The following IRAK3 variants were observed in gnomAD, a reference collection of about 807,000 sequenced individuals.
IRAK3 encodes interleukin 1 receptor associated kinase 3.
A neutral mutation model predicts 56.6 loss-of-function variants in IRAK3; 57 were observed. That is an observed-to-expected ratio of 1.01 (90% CI 0.81 to 1.26). The LOEUF is 1.26. IRAK3 is among the 50% of genes most tolerant of loss of function. The pLI is 0.00. For missense variants in IRAK3, 703 were observed against 719.0 expected, an observed-to-expected ratio of 0.98 and a Z score of 0.25; for synonymous variants, 258 against 255.7, an observed-to-expected ratio of 1.01 and a Z score of -0.09.
chr12:66,226,669 C>T (rs2052789396), intron 6 of IRAK3, 54 bp from the exon 7 acceptor site: 2 of 1,008,824 alleles, frequency 2.0e-6, no homozygotes, highest in Non-Finnish European at 3.2e-6. Context: ...GTGTGTTGTT[C>T]ATTTCCTGTC....
intron 8 of IRAK3, among the ~76,000 whole-genome samples, chr12:66,231,113 A>C (rs1295177382): frequency 6.6e-6 from 1 of 152,180 alleles, no homozygotes; most frequent in African/African-American, 2.4e-5. Flanking sequence ...TGTGGTGGCC[A>C]ATCAGTCTTT....
At chr12:66,234,524 A>T (rs944109746) in intron 8 of IRAK3, 1 of 1,611,950 alleles carries the variant, frequency 6.2e-7, no homozygotes, top group African/African-American at 1.3e-5. Flanking sequence ...GTCGTAAGTA[A>T]GTGTCATTCC....
intron 1 of IRAK3, 22 bp downstream of exon 1, chr12:66,189,454 G>A (rs2052378220): frequency 1.7e-6 from 2 of 1,187,782 alleles, no homozygotes; most frequent in Non-Finnish European, 2.1e-6. Flanking sequence ...GGGACCGGCC[G>A]GGGGCGGCGG....
In IRAK3 at chr12:66,250,348, G is replaced by A. The variant is rs1005243082; in HGVS notation, c.*2177G>A. The stretch of plus-strand genomic sequence containing the variant: ...TAATCATATTCACATTAGATTCCAT[G>A]TTGAAGAACAACTAATCAAAGAAGA... On this transcript the variant is annotated 3_prime_UTR_variant, in exon 12 of 12. Coordinates refer to ENST00000261233, the MANE Select transcript of IRAK3 (RefSeq NM_007199.3). 1.3e-5 allele frequency: 2 copies of A among 152,138 alleles called. No individual in the cohort carries two copies. Among genetic ancestry groups the A allele is most frequent in the Non-Finnish European group, 2.9e-5 (2 of 68,014 alleles). 9.4% of individuals were successfully genotyped at this position (152,138 alleles called of 1,614,324 possible).
At chr12:66,218,319 A>T (rs1193483540) in intron 6 of IRAK3, among the ~76,000 whole-genome samples, 2 of 152,240 alleles carry the variant, frequency 1.3e-5, no homozygotes, top group Non-Finnish European at 2.9e-5. Context: ...ACTGTTCACA[A>T]TTTCTTAGAT....
At chr12:66,236,698 C>T (rs2052912149) in intron 8 of IRAK3, among the ~76,000 whole-genome samples, 2 of 152,262 alleles carry the variant, frequency 1.3e-5, no homozygotes, top group South Asian at 4.1e-4. Flanking sequence ...CTTAAGGTGA[C>T]CTCTTGTTGC....
intron 8 of IRAK3, among the ~76,000 whole-genome samples, chr12:66,231,151 A>G (rs1162955662): frequency 6.6e-6 from 1 of 152,122 alleles, no homozygotes; most frequent in Non-Finnish European, 1.5e-5. Flanking sequence ...CTCTATCGTC[A>G]ATTTATAGTG....
At chr12:66,223,552 G>T (rs572016066) in intron 6 of IRAK3, among the ~76,000 whole-genome samples, 1 of 150,792 alleles carries the variant, frequency 6.6e-6, no homozygotes, top group South Asian at 2.1e-4. Context: ...CCAGCTACTC[G>T]GGAGGCTGAG....
At position 66,196,911 on chromosome 12, in the gene IRAK3, C is replaced by T. The variant is rs1233787692; in HGVS notation, c.134-6800C>T. The T allele has an allele frequency of 2.0e-6, 3 of 1,534,102 alleles. No homozygotes were observed. In the South Asian group the frequency reaches 3.6e-5, roughly 18 times the overall value. On this transcript the variant is annotated intron_variant, in intron 1 of 11. Coordinates refer to ENST00000261233, the MANE Select transcript of IRAK3 (RefSeq NM_007199.3). ...AAAACAAGCTTTGTGAGAATGGAGTCTTAATTTTGCAGGGGTTTTGGCATG... is the reference window on the plus strand; with the variant it reads ...AAAACAAGCTTTGTGAGAATGGAGTTTTAATTTTGCAGGGGTTTTGGCATG...
intron 7 of IRAK3, 33 bp downstream of exon 7, chr12:66,226,870 T>A: frequency 7.9e-7 from 1 of 1,257,894 alleles, no homozygotes; most frequent in Non-Finnish European, 1.2e-6. Context: ...TCTGATCCTC[T>A]GACCCCTTGA....
chr12:66,245,373 C>A, intron 11 of IRAK3, 111 bp downstream of exon 11: 1 of 1,147,882 alleles, frequency 8.7e-7, no homozygotes, highest in Non-Finnish European at 1.3e-6. Flanking sequence ...CAAATCCAGC[C>A]TCCAACAGAG....
At chr12:66,220,714 G>T (rs964500854) in intron 6 of IRAK3, among the ~76,000 whole-genome samples, 3 of 151,428 alleles carry the variant, frequency 2.0e-5, no homozygotes, top group African/African-American at 7.3e-5. Context: ...TAGAGACGGG[G>T]TTTCACCGTT....
At chr12:66,233,179 G>A (rs2052862065) in intron 8 of IRAK3, among the ~76,000 whole-genome samples, 1 of 152,036 alleles carries the variant, frequency 6.6e-6, no homozygotes, top group African/African-American at 2.4e-5. Context: ...AAGAGTTAAG[G>A]CAAATTGGAA....
chr12:66,203,499 T>C (rs2052528314), intron 1 of IRAK3, among the ~76,000 whole-genome samples: 1 of 152,218 alleles, frequency 6.6e-6, no homozygotes, highest in African/African-American at 2.4e-5. Context: ...TTTGCAGTTA[T>C]CACTGATTCT....
At chr12:66,218,687 A>G (rs2052701500) in intron 6 of IRAK3, among the ~76,000 whole-genome samples, 1 of 152,226 alleles carries the variant, frequency 6.6e-6, no homozygotes, top group South Asian at 2.1e-4. Flanking sequence ...ATGTGATTTG[A>G]TATACAGTAT....
chr12:66,220,521 T>C (rs1340467154), intron 6 of IRAK3, among the ~76,000 whole-genome samples: 22 of 129,014 alleles, frequency 1.7e-4, no homozygotes, highest in African/African-American at 6.0e-4. Context: ...TTTCTTTTTT[T>C]TTTTTTTTTT....
At chr12:66,240,832 A>ATG (rs2052961346) in intron 8 of IRAK3, among the ~76,000 whole-genome samples, 1 of 148,788 alleles carries the variant, frequency 6.7e-6, no homozygotes, top group Admixed American at 6.8e-5. Flanking sequence ...ATATATATAT[A>ATG]TAAAATATAT....
At chr12:66,221,760 G>C (rs769823290) in intron 6 of IRAK3, among the ~76,000 whole-genome samples, 13 of 152,216 alleles carry the variant, frequency 8.5e-5, no homozygotes, top group Admixed American at 7.2e-4. Context: ...CTGGGCACAG[G>C]GGCACATGCC....
intron 8 of IRAK3, chr12:66,234,440 T>G: frequency 6.2e-7 from 1 of 1,611,478 alleles, no homozygotes; most frequent in Non-Finnish European, 8.5e-7. Flanking sequence ...AATAGAAGTT[T>G]GAGTGATCAT....
Sources: allele counts gnomAD v4.1 joint callset (sites outside exome capture counted in the v4.1 genomes callset), GRCh38; gene constraint gnomAD v4.1.1; transcripts MANE v1.5; gene names NCBI Gene and HGNC (gene_info 2026-07-23, HGNC 2026-07-21).